The following DOK4 variants were observed in gnomAD, a reference collection of about 807,000 sequenced individuals.
DOK4 encodes downstream of tyrosine kinase 4.
Under a neutral mutation model 40.1 loss-of-function variants are expected in DOK4, and 26 were observed. That is an observed-to-expected ratio of 0.65 (90% CI 0.48 to 0.90). DOK4 has a LOEUF of 0.90. Among genes scored for constraint, DOK4 ranks in the 40% least tolerant of loss-of-function variants. The pLI, the probability that DOK4 is intolerant of heterozygous loss-of-function variation, is 0.00. For missense variants in DOK4, 392 were observed against 437.2 expected (o/e 0.90, Z 0.92); for synonymous variants, 179 against 177.0 (o/e 1.01, Z -0.09).
At chr16:57,475,451 C>T (rs568281455) in intron 4 of DOK4, 55 bp downstream of exon 4, 1 of 1,521,904 alleles carries the variant, frequency 6.6e-7, no homozygotes, top group Non-Finnish European at 9.0e-7. Context: ...CTAGCTGGAC[C>T]TCTGACCAAG....
intron 2 of DOK4, chr16:57,478,609 T>G (rs1373840585): frequency 6.6e-6 from 1 of 152,182 alleles, no homozygotes; most frequent in Non-Finnish European, 1.5e-5. Context: ...GCCGAGATCA[T>G]GAAGTTGATC....
chr16:57,473,754 G>A lies in DOK4; in HGVS notation c.739-18C>T. ...TTCAGCAGCTGTGGGGCAAAGGAAG[G>A]GGTCACTCCCATTAGTGGCTTACAG... is the stretch of plus-strand genomic sequence containing the variant. On this transcript the variant is annotated intron_variant, in intron 7 of 8. Coordinates refer to ENST00000340099, the Ensembl canonical transcript of DOK4. 1 of 1,603,380 alleles carries A rather than the reference G, an allele frequency of 6.2e-7. No homozygotes were observed.
intron 3 of DOK4, 106 bp downstream of exon 3, chr16:57,475,744 C>G: frequency 1.3e-6 from 1 of 777,104 alleles, no homozygotes; most frequent in South Asian, 1.6e-5. Context: ...TCCTCTCCCT[C>G]TCTCCCCCTT....
rs1555516302 is a variant in DOK4, at chr16:57,475,661, T to TCTCTCTCC, written c.175-42_175-41insGGAGAGAG. On this transcript the variant is annotated intron_variant, in intron 3 of 8. Coordinates refer to ENST00000340099, the Ensembl canonical transcript of DOK4. Reference sequence around the variant, plus strand: ...CAAGGGACTTAGCCAGGCCAGTGCATCTCTCTCTCTCTCTCTCTCTCTCTC... The same window carrying TCTCTCTCC: ...CAAGGGACTTAGCCAGGCCAGTGCATCTCTCTCCCTCTCTCTCTCTCTCTCTCTCTCTC... 3 of 376,280 alleles carry TCTCTCTCC rather than the reference T, an allele frequency of 8.0e-6. No homozygotes were observed. The South Asian group carries it at 9.0e-5, about 11-fold the overall frequency. 23.3% of individuals were successfully genotyped at this position (376,280 alleles called of 1,614,324 possible).
intron 2 of DOK4, among the ~76,000 whole-genome samples, chr16:57,478,019 C>T (rs2031259983): frequency 6.6e-6 from 1 of 152,236 alleles, no homozygotes; most frequent in Admixed American, 6.5e-5. Flanking sequence ...ACACTCTGCC[C>T]TGGGCAAGGC....
chr16:57,487,320 T>C (rs1267714522), upstream of DOK4: 1 of 152,226 alleles, frequency 6.6e-6, no homozygotes, highest in African/African-American at 2.4e-5. Context: ...TTGTTAGAAA[T>C]GCAAATTCCC....
rs2031348116 is a variant in DOK4 at position 57,479,733 on chromosome 16, C to G, written c.-181-45G>C. On this transcript the variant is annotated intron_variant, in intron 1 of 8. Coordinates refer to ENST00000340099, the Ensembl canonical transcript of DOK4. This position sits in a 1 kb window ranked among gnomAD's most constrained non-coding sequence, Gnocchi z 5.8. ...GGAGATTAGAGACAGTGACATCTTT[C>G]TCTTCCTCTCGCTGTCTCGCTCTCT... is the stretch of plus-strand genomic sequence containing the variant. 4.2e-6 allele frequency: 2 copies of G among 480,870 alleles called. No individual in the cohort carries two copies. Among genetic ancestry groups the G allele is most frequent in the South Asian group, 5.5e-5 (2 of 36,144 alleles). 29.8% of individuals were successfully genotyped at this position (480,870 alleles called of 1,614,324 possible).
At chr16:57,475,390 C>T in intron 4 of DOK4, 116 bp downstream of exon 4, 2 of 1,373,808 alleles carry the variant, frequency 1.5e-6, no homozygotes, top group Non-Finnish European at 2.0e-6. Flanking sequence ...CCCAACCCCA[C>T]ACACACCACA....
intron 2 of DOK4, among the ~76,000 whole-genome samples, chr16:57,476,923 C>T (rs1175313389): frequency 3.3e-5 from 5 of 152,224 alleles, no homozygotes; most frequent in African/African-American, 1.2e-4. Flanking sequence ...CCCCAGCCAC[C>T]AGCCAGAGCT....
chr16:57,479,246 G>A lies in DOK4; in HGVS notation c.66+196C>T, dbSNP rs2031317673. On this transcript the variant is annotated intron_variant, in intron 2 of 8. Coordinates refer to ENST00000340099, the Ensembl canonical transcript of DOK4. The surrounding 1 kb of genome is among the most constrained non-coding windows in gnomAD (Gnocchi z 5.8). The stretch of plus-strand genomic sequence containing the variant: ...GGATGCCAGCCAGCCCTCTGGGGCG[G>A]GGGCTGCAGCAGGCAGAACCCAGCC... Among the ~76,000 whole-genome samples the A allele has an allele frequency of 6.6e-6, 1 of 152,248 alleles. No individual in the cohort carries two copies. Among genetic ancestry groups the A allele is most frequent in the Admixed American group, 6.5e-5 (1 of 15,288 alleles).
intron 1 of DOK4, among the ~76,000 whole-genome samples, chr16:57,484,907 C>T (rs1346729514): frequency 6.6e-6 from 1 of 152,242 alleles, no homozygotes; most frequent in African/African-American, 2.4e-5. Flanking sequence ...ATGTCAGCTC[C>T]CTGGTGGCTC....
At chr16:57,472,112 G>A (rs924912714) in exon 9 of DOK4, 5 of 152,548 alleles carry the variant, frequency 3.3e-5, no homozygotes, top group African/African-American at 4.8e-5. Context: ...TCATCCCTCT[G>A]GGTGGTCATT....
chr16:57,481,234 G>T (rs932693553), intron 1 of DOK4, among the ~76,000 whole-genome samples: 6 of 152,192 alleles, frequency 3.9e-5, no homozygotes, highest in Non-Finnish European at 5.9e-5. Context: ...GCACAGATGG[G>T]ACTACCCCAG....
chr16:57,474,568 T>C, intron 6 of DOK4: 3 of 609,516 alleles, frequency 4.9e-6, no homozygotes, highest in Non-Finnish European at 8.5e-6. Context: ...CAAAGTAGTA[T>C]ATGATTTTTG....
chr16:57,482,398 A>C (rs1213695881), intron 1 of DOK4, among the ~76,000 whole-genome samples: 3 of 97,156 alleles, frequency 3.1e-5, no homozygotes, highest in East Asian at 2.7e-4. Context: ...ACGGAGTCTC[A>C]CTCTATTGCC....
At position 57,479,276 on chromosome 16, in the gene DOK4, C is replaced by G. The variant is rs1217848045; in HGVS notation, c.66+166G>C. Among the ~76,000 whole-genome samples, 1 of 152,234 alleles carries G rather than the reference C, an allele frequency of 6.6e-6. No individual in the cohort carries two copies. The highest frequency in any genetic ancestry group is 1.5e-5 in the Non-Finnish European group (1 of 68,040). ...TGCAGCAGGCAGAACCCAGCCCAGG[C>G]ACATGCCAGGCAGCACGCTGGCGAG... On this transcript the variant is annotated intron_variant, in intron 2 of 8. Transcript: ENST00000340099. The surrounding 1 kb of genome is among the most constrained non-coding windows in gnomAD (Gnocchi z 5.8).
chr16:57,485,760 TG>T lies in DOK4; in HGVS notation c.-182+544del, dbSNP rs2031523062. On this transcript the variant is annotated intron_variant, in intron 1 of 8. Transcript: ENST00000340099. This position sits in a 1 kb window ranked among gnomAD's most constrained non-coding sequence, Gnocchi z 4.3. The stretch of plus-strand genomic sequence containing the variant: ...CTGGGGGAGAAGGTGGACAGGACCT[TG>T]GGGGCCAATGGAGAAAGGTTCAAGG... 1.3e-5 allele frequency among the ~76,000 whole-genome samples: 2 copies of T among 152,066 alleles called. No homozygotes were observed. The highest frequency in any genetic ancestry group is 1.9e-4 in the East Asian group (1 of 5,174).
intron 1 of DOK4, chr16:57,481,805 G>A (rs545969050): frequency 6.6e-6 from 1 of 152,336 alleles, no homozygotes; most frequent in South Asian, 2.1e-4. Flanking sequence ...TTTAAATGAG[G>A]AAATGAATTC....
chr16:57,475,656 G>A (rs748921142), intron 3 of DOK4, 36 bp from the exon 4 acceptor site: 5 of 924,432 alleles, frequency 5.4e-6, no homozygotes, highest in South Asian at 5.4e-5. Context: ...AGCCAGGCCA[G>A]TGCATCTCTC....
Sources: gnomAD v4.1 joint callset for allele counts (sites outside exome capture counted in the v4.1 genomes callset) on GRCh38, gnomAD v4.1.1 for gene constraint, Gnocchi (gnomAD v3.1) non-coding constraint, MANE v1.5 for transcripts, NCBI Gene and HGNC (gene_info 2026-07-23, HGNC 2026-07-21) for gene names.